The following KIAA1217 variants were observed in gnomAD, a reference collection of about 807,000 sequenced individuals.
KIAA1217 encodes the protein KIAA1217.
A neutral mutation model predicts 163.9 loss-of-function variants in KIAA1217; 88 were observed. The observed-to-expected ratio is 0.54, with a 90% CI of 0.45 to 0.64. The LOEUF is 0.64. Ranked by LOEUF, KIAA1217 falls within the 30% of genes least tolerant of loss-of-function variation. The pLI is 0.00. For synonymous variants in KIAA1217, 903 were observed against 923.1 expected (o/e 0.98, Z 0.39); for missense variants, 2,372 against 2,475.0 (o/e 0.96, Z 0.88).
chr10:24,480,419 C>A (rs1489987181), intron 6 of KIAA1217, among the ~76,000 whole-genome samples: 1 of 152,200 alleles, frequency 6.6e-6, no homozygotes, highest in East Asian at 1.9e-4. Flanking sequence ...ACCAGTTGTT[C>A]AGAGGCAGTA....
At chr10:23,903,413 CAA>C (rs1410854506) in intron 1 of KIAA1217, among the ~76,000 whole-genome samples, 1 of 151,974 alleles carries the variant, frequency 6.6e-6, no homozygotes, top group African/African-American at 2.4e-5. Flanking sequence ...CCTATTTAAC[CAA>C]AGTCTTACAT....
At chr10:23,851,894 T>G (rs1439580803) in intron 1 of KIAA1217, among the ~76,000 whole-genome samples, 1 of 152,098 alleles carries the variant, frequency 6.6e-6, no homozygotes, top group African/African-American at 2.4e-5. Context: ...TTTGAGTTCA[T>G]TGTAGATTCT....
At chr10:24,247,529 G>T (rs975471871) in intron 2 of KIAA1217, among the ~76,000 whole-genome samples, 1 of 152,208 alleles carries the variant, frequency 6.6e-6, no homozygotes, top group Non-Finnish European at 1.5e-5. Context: ...GGGCGTGGTG[G>T]CTCACGCTTG....
intron 3 of KIAA1217, among the ~76,000 whole-genome samples, chr10:24,382,046 C>G (rs561384123): frequency 6.8e-6 from 1 of 147,736 alleles, no homozygotes; most frequent in Admixed American, 6.8e-5. Flanking sequence ...TGGAAGTTTA[C>G]TTTCTATCTT....
chr10:23,820,494 A>T (rs938431543), intron 1 of KIAA1217, among the ~76,000 whole-genome samples: 4 of 152,216 alleles, frequency 2.6e-5, no homozygotes, highest in African/African-American at 9.6e-5. Context: ...TCTATTGTTC[A>T]CTGAATACCC....
intron 2 of KIAA1217, among the ~76,000 whole-genome samples, chr10:24,363,657 C>CA (rs1320991747): frequency 2.0e-5 from 3 of 151,554 alleles, no homozygotes; most frequent in Non-Finnish European, 4.4e-5. Context: ...CTGCACCCTC[C>CA]ACCTCCTGGG....
intron 1 of KIAA1217, among the ~76,000 whole-genome samples, chr10:23,984,469 T>C (rs1345369144): frequency 5.9e-5 from 9 of 152,166 alleles, no homozygotes; most frequent in Admixed American, 5.9e-4. Context: ...CATAAGTATG[T>C]TCATTGCAGC....
chr10:24,523,409 G>A (rs2071601178), intron 12 of KIAA1217, among the ~76,000 whole-genome samples: 1 of 152,112 alleles, frequency 6.6e-6, no homozygotes, highest in Non-Finnish European at 1.5e-5. Context: ...AAGAATCTAA[G>A]GGATTGGGGT....
chr10:24,190,311 G>C (rs1253733702), intron 2 of KIAA1217, among the ~76,000 whole-genome samples: 1 of 152,132 alleles, frequency 6.6e-6, no homozygotes, highest in Non-Finnish European at 1.5e-5. Flanking sequence ...GGGGTAACAT[G>C]TTTTGCACCC....
At chr10:24,336,366 CT>C (rs1238079965) in intron 2 of KIAA1217, among the ~76,000 whole-genome samples, 21 of 152,206 alleles carry the variant, frequency 1.4e-4, no homozygotes, top group Non-Finnish European at 2.4e-4. Flanking sequence ...ATTTTTCCTA[CT>C]TTTTAGTTTT....
chr10:23,975,710 G>C (rs909283413), intron 1 of KIAA1217, among the ~76,000 whole-genome samples: 1 of 152,044 alleles, frequency 6.6e-6, no homozygotes, highest in African/African-American at 2.4e-5. Flanking sequence ...GAGCCTCACG[G>C]GTGCCTACTA....
In KIAA1217 at chr10:24,370,677, G is replaced by T. The variant is rs532626862; in HGVS notation, c.355-10192G>T. On this transcript the variant is annotated intron_variant, in intron 2 of 20. Transcript: ENST00000376454. ...AGCTCACTGCAGCCTTGAACTGCCA[G>T]GTTCAAGGGATCCTCCCACCTCAGC... is the stretch of plus-strand genomic sequence containing the variant. 4.6e-5 allele frequency among the ~76,000 whole-genome samples: 7 copies of T among 152,242 alleles called. No individual in the cohort carries two copies. The South Asian group carries it at 1.5e-3, about 32-fold the overall frequency.
chr10:24,473,461 C>T lies in KIAA1217; in HGVS notation c.1080C>T (p.Ile360=). The change falls in exon 6 of 21, where the codon ATC becomes ATT. Residue 360 remains isoleucine (I), a synonymous_variant. Coordinates refer to ENST00000376454, the MANE Select transcript of KIAA1217 (RefSeq NM_019590.5). ...CCAGCCTGCCAGTCTCCAGACCCAT[C>T]TCTCCAAGCCCAAGCGCCATTTTAG... ...RISSLPVSRP[I]SPSPSAILER... The T allele has an allele frequency of 6.2e-7, 1 of 1,614,184 alleles. No homozygotes were observed. Among genetic ancestry groups the T allele is most frequent in the Non-Finnish European group, 8.5e-7 (1 of 1,180,024 alleles).
chr10:24,360,432 G>C (rs1346869663), intron 2 of KIAA1217, among the ~76,000 whole-genome samples: 1 of 152,080 alleles, frequency 6.6e-6, no homozygotes, highest in East Asian at 1.9e-4. Flanking sequence ...ATTCCTCAGT[G>C]GTAACTTTAT....
chr10:24,245,110 A>G (rs6482376), intron 2 of KIAA1217, among the ~76,000 whole-genome samples: 118,828 of 152,000 alleles, frequency 0.78, 46,529 homozygotes, highest in Admixed American at 0.82. Context: ...CCCTTGCAGC[A>G]CCGGGAGTCT....
At chr10:24,120,130 A>G (rs778608446) in intron 2 of KIAA1217, among the ~76,000 whole-genome samples, 1 of 152,180 alleles carries the variant, frequency 6.6e-6, no homozygotes, top group Non-Finnish European at 1.5e-5. Context: ...CTTCAGTTAA[A>G]GATCATTATC....
At chr10:24,094,603 G>A (rs543649040) in intron 2 of KIAA1217, among the ~76,000 whole-genome samples, 1 of 152,188 alleles carries the variant, frequency 6.6e-6, no homozygotes, top group Non-Finnish European at 1.5e-5. Flanking sequence ...TTTTGTCTCA[G>A]AGGAGTACCC....
intron 2 of KIAA1217, among the ~76,000 whole-genome samples, chr10:24,176,396 T>C (rs1201332101): frequency 1.3e-5 from 2 of 151,998 alleles, no homozygotes; most frequent in Non-Finnish European, 2.9e-5. Context: ...TTGGTGCATT[T>C]ACAAATCTTT....
intron 2 of KIAA1217, among the ~76,000 whole-genome samples, chr10:24,194,604 C>T (rs906671830): frequency 6.6e-6 from 1 of 151,258 alleles, no homozygotes; most frequent in South Asian, 2.1e-4. Context: ...GAGACAGTCT[C>T]GCTCTGTCAA....
Sources: gnomAD v4.1 joint callset for allele counts (sites outside exome capture counted in the v4.1 genomes callset) on GRCh38, gnomAD v4.1.1 for gene constraint, MANE v1.5 for transcripts, NCBI Gene and HGNC (gene_info 2026-07-23, HGNC 2026-07-21) for gene names.